FAM107B: variants seen among roughly 807,000 people sequenced by gnomAD.
FAM107B encodes the protein protein FAM107B.
A neutral mutation model predicts 31.5 loss-of-function variants in FAM107B; 21 were observed. The ratio of observed to expected loss-of-function variants is 0.67; its 90% CI spans 0.47 to 0.96. The LOEUF is 0.96. Among genes scored for constraint, FAM107B ranks in the 40% least tolerant of loss-of-function variants. The pLI is 0.00. For missense variants in FAM107B, 452 were observed against 377.1 expected, an observed-to-expected ratio of 1.20 and a Z score of -1.64; for synonymous variants, 157 against 141.5, an observed-to-expected ratio of 1.11 and a Z score of -0.78.
chr10:14,698,533 T>C (rs1006108627), intron 1 of FAM107B, among the ~76,000 whole-genome samples: 10 of 152,392 alleles, frequency 6.6e-5, no homozygotes, highest in South Asian at 2.1e-4. Flanking sequence ...ACATTTCATG[T>C]ATATTATCTC....
intron 2 of FAM107B, among the ~76,000 whole-genome samples, chr10:14,599,517 G>C (rs905566888): frequency 5.3e-5 from 8 of 152,150 alleles, no homozygotes; most frequent in African/African-American, 9.7e-5. Context: ...TCACATCCTT[G>C]GTAGGCTAGG....
intron 2 of FAM107B, among the ~76,000 whole-genome samples, chr10:14,649,712 T>C (rs1564613842): frequency 6.6e-6 from 1 of 152,196 alleles, no homozygotes; most frequent in Non-Finnish European, 1.5e-5. Flanking sequence ...TGTCTTATGT[T>C]TCCTTAAAGT....
chr10:14,724,117 T>C (rs1855975710), intron 1 of FAM107B: 1 of 559,160 alleles, frequency 1.8e-6, no homozygotes, highest in South Asian at 1.9e-5. Context: ...GACTCCTCTG[T>C]GGGTAGCGCG....
intron 1 of FAM107B, among the ~76,000 whole-genome samples, chr10:14,686,171 T>C (rs1471020553): frequency 6.6e-6 from 1 of 152,006 alleles, no homozygotes; most frequent in Non-Finnish European, 1.5e-5. Flanking sequence ...GGCAGATCAC[T>C]TGAGGTCAGG....
At chr10:14,552,183 A>G (rs1849322664) in intron 2 of FAM107B, among the ~76,000 whole-genome samples, 1 of 152,230 alleles carries the variant, frequency 6.6e-6, no homozygotes, top group African/African-American at 2.4e-5. Flanking sequence ...CCACCTAGAA[A>G]TGATGCTTGG....
At chr10:14,769,741 A>G (rs1005397040) in intron 1 of FAM107B, among the ~76,000 whole-genome samples, 2 of 152,162 alleles carry the variant, frequency 1.3e-5, no homozygotes, top group Non-Finnish European at 2.9e-5. Context: ...TACAATTACT[A>G]TCTCTTCCTA....
chr10:14,674,997 T>C (rs1358620358), intron 1 of FAM107B, among the ~76,000 whole-genome samples: 6 of 152,342 alleles, frequency 3.9e-5, no homozygotes, highest in South Asian at 4.1e-4. Context: ...TGTCCACGTA[T>C]GTTTTTAAGC....
intron 2 of FAM107B, among the ~76,000 whole-genome samples, chr10:14,645,856 G>A (rs1853739329): frequency 6.6e-6 from 1 of 152,160 alleles, no homozygotes; most frequent in African/African-American, 2.4e-5. Context: ...AACCCATTGG[G>A]TGGAAATGAA....
intron 1 of FAM107B, among the ~76,000 whole-genome samples, chr10:14,735,463 C>A (rs1856278116): frequency 6.6e-6 from 1 of 152,136 alleles, no homozygotes; most frequent in African/African-American, 2.4e-5. Flanking sequence ...CAATTGGTGG[C>A]CTCCAAGATG....
At chr10:14,751,886 G>T (rs1478644702) in intron 1 of FAM107B, among the ~76,000 whole-genome samples, 1 of 152,040 alleles carries the variant, frequency 6.6e-6, no homozygotes, top group East Asian at 1.9e-4. Flanking sequence ...GAGGTAAAGG[G>T]CTGGGAACAA....
intron 2 of FAM107B, among the ~76,000 whole-genome samples, chr10:14,581,353 C>A (rs975633539): frequency 6.6e-6 from 1 of 152,172 alleles, no homozygotes; most frequent in African/African-American, 2.4e-5. Context: ...AATGTGGCTG[C>A]GGTAGGGTGC....
intron 1 of FAM107B, among the ~76,000 whole-genome samples, chr10:14,703,769 G>A (rs1315233112): frequency 6.6e-6 from 1 of 152,178 alleles, no homozygotes; most frequent in Non-Finnish European, 1.5e-5. Context: ...GTCAGGAAAA[G>A]CTTCCAGTTT....
intron 2 of FAM107B, among the ~76,000 whole-genome samples, chr10:14,636,271 C>CA (rs56401366): frequency 0.07 from 5,954 of 85,130 alleles, 137 homozygotes; most frequent in African/African-American, 0.086. Context: ...AAAAAGGAGC[C>CA]AAAAAAAAAA....
chr10:14,524,340 G>A (rs968906539), intron 3 of FAM107B, among the ~76,000 whole-genome samples: 2 of 152,170 alleles, frequency 1.3e-5, no homozygotes, highest in African/African-American at 4.8e-5. Flanking sequence ...ACCACACCCA[G>A]CTAGTATAGT....
chr10:14,571,753 T>C, intron 2 of FAM107B: 9 of 984,338 alleles, frequency 9.1e-6, no homozygotes, highest in Non-Finnish European at 1.1e-5. Flanking sequence ...GTCCCAGTGT[T>C]TATTCTTACC....
chr10:14,624,984 G>C (rs1296094937), intron 2 of FAM107B, among the ~76,000 whole-genome samples: 1 of 152,136 alleles, frequency 6.6e-6, no homozygotes, highest in African/African-American at 2.4e-5. Flanking sequence ...TGGCATTTTG[G>C]GAGGCCTAGG....
intron 2 of FAM107B, among the ~76,000 whole-genome samples, chr10:14,629,544 G>A (rs142320289): frequency 0.033 from 4,245 of 128,366 alleles, 163 homozygotes; most frequent in African/African-American, 0.087. Flanking sequence ...ATGAAGACTC[G>A]CTCTGTCGCC....
chr10:14,726,912 G>A (rs1403653091), intron 1 of FAM107B, among the ~76,000 whole-genome samples: 1 of 152,042 alleles, frequency 6.6e-6, no homozygotes, highest in African/African-American at 2.4e-5. Context: ...AATATCTAAT[G>A]AAATAAGTAT....
chr10:14,737,763 G>A (rs1252104969), intron 1 of FAM107B, among the ~76,000 whole-genome samples: 1 of 64,400 alleles, frequency 1.6e-5, no homozygotes, highest in Non-Finnish European at 2.9e-5. Flanking sequence ...GTGCGTGCAC[G>A]CTTTCTCTCT....
Sources: allele counts gnomAD v4.1 joint callset (sites outside exome capture counted in the v4.1 genomes callset), GRCh38; gene constraint gnomAD v4.1.1; transcripts MANE v1.5; gene names NCBI Gene and HGNC (gene_info 2026-07-23, HGNC 2026-07-21).